Variants in SCN9A observed in about 807,000 individuals in gnomAD.
The protein encoded by SCN9A is sodium voltage-gated channel alpha subunit 9.
SCN9A carries 131 observed loss-of-function variants against 187.0 expected under a neutral mutation model. The ratio of observed to expected loss-of-function variants is 0.70; its 90% CI spans 0.61 to 0.81. The LOEUF is 0.81. Ranked by LOEUF, SCN9A falls within the 30% of genes least tolerant of loss-of-function variation. SCN9A has a pLI of 0.00. For missense variants in SCN9A, 2,252 were observed against 2,396.6 expected (o/e 0.94, Z 1.26); for synonymous variants, 809 against 808.6 (o/e 1.00, Z -0.01).
chr2:166,272,382 A>G lies in SCN9A; in HGVS notation c.3351+17T>C, dbSNP rs770064648. ...TAATTGTTAATATGAAACACAAAGT[A>G]TATGAAGCATTCTTACCACTTTGCT... On this transcript the variant is annotated intron_variant, in intron 17 of 26. Transcript: ENST00000642356. The G allele has an allele frequency of 7.1e-6, 10 of 1,410,648 alleles. No individual in the cohort carries two copies. The highest frequency in any genetic ancestry group is 6.3e-5 in the Admixed American group (3 of 47,776). 87.4% of individuals were successfully genotyped at this position (1,410,648 alleles called of 1,614,324 possible). A position where few individuals can be genotyped will look rare whatever the true frequency, so the allele number is the denominator to read the frequency against.
intron 17 of SCN9A, among the ~76,000 whole-genome samples, chr2:166,253,518 A>C (rs1696138528): frequency 6.6e-6 from 1 of 151,814 alleles, no homozygotes; most frequent in African/African-American, 2.4e-5. Context: ...TAAACTATAG[A>C]ATGAGTTTTA....
At chr2:166,320,694 A>T (rs1485954578) in intron 1 of SCN9A, among the ~76,000 whole-genome samples, 2 of 152,190 alleles carry the variant, frequency 1.3e-5, no homozygotes, top group Non-Finnish European at 2.9e-5. Flanking sequence ...TGGGCATTAC[A>T]TGATACTTAA....
intron 10 of SCN9A, among the ~76,000 whole-genome samples, chr2:166,286,870 C>CTTAATAAATTAATAATTTATTAATTA: frequency 6.6e-6 from 1 of 151,992 alleles, no homozygotes; most frequent in Non-Finnish European, 1.5e-5. Context: ...TATTAATTTG[C>CTTAATAAATTAATAATTTATTAATTA]TTACAGTAAA....
At chr2:166,246,158 G>A (rs983338967) in intron 18 of SCN9A, among the ~76,000 whole-genome samples, 1 of 151,820 alleles carries the variant, frequency 6.6e-6, no homozygotes, top group East Asian at 1.9e-4. Flanking sequence ...TGTGCTTATA[G>A]TACTCATCAT....
chr2:166,298,730 G>C (rs1181490027), intron 7 of SCN9A: 1 of 152,148 alleles, frequency 6.6e-6, no homozygotes, highest in African/African-American at 2.4e-5. Flanking sequence ...TGCCTAACCT[G>C]GCAGAACCAC....
intron 21 of SCN9A, among the ~76,000 whole-genome samples, chr2:166,231,483 C>T (rs577906345): frequency 6.6e-6 from 1 of 150,452 alleles, no homozygotes; most frequent in Admixed American, 6.6e-5. Flanking sequence ...GGTTAAAACC[C>T]AAGTTTCTTA....
rs1693400066 is a variant in SCN9A at position 166,199,864 on chromosome 2, C to T, written c.4775G>A (p.Gly1592Asp). Residue 1592 changes from glycine (G) to aspartate (D), a missense_variant and splice_region_variant, in exon 27 of 27, where the codon GGT becomes GAT. This residue lies in a region of SCN9A where 368 missense variants were observed against 408.6 expected (regional missense o/e 0.90). Coordinates refer to ENST00000642356, the MANE Select transcript of SCN9A (RefSeq NM_001365536.1). The stretch of plus-strand genomic sequence containing the variant: ...TTCAATCAAATCAGCTAGAAACATA[C>T]CTGTATGTGGAGGAAAATAATAGAA... ...DFVVVIISIVGMFLADLIETY... is the reference protein window; with the variant it reads ...DFVVVIISIVDMFLADLIETY... The T allele has an allele frequency of 1.9e-6, 3 of 1,610,926 alleles. No homozygotes were observed. Among genetic ancestry groups the T allele is most frequent in the Non-Finnish European group, 2.5e-6 (3 of 1,177,984 alleles).
chr2:166,236,132 C>A (rs991931653), intron 20 of SCN9A, among the ~76,000 whole-genome samples: 1 of 151,910 alleles, frequency 6.6e-6, no homozygotes, highest in African/African-American at 2.4e-5. Context: ...TCTATAATTT[C>A]TTCTTATTTG....
intron 20 of SCN9A, among the ~76,000 whole-genome samples, chr2:166,237,838 A>C (rs544331732): frequency 6.6e-6 from 1 of 152,286 alleles, no homozygotes; most frequent in East Asian, 1.9e-4. Context: ...CTTTGCAGAA[A>C]ACATAAAAAA....
rs754992039 is a variant in SCN9A at position 166,272,535 on chromosome 2, T to C, written c.3215A>G (p.Glu1072Gly). Residue 1072 changes from glutamate (E) to glycine (G), a missense_variant, in exon 17 of 27, where the codon GAA (glutamate) becomes GGA (glycine). Transcript: ENST00000642356. ...FGSSVDKHLM[E>G]DSDGQSFIHN... ...AATAAATGATTGACCATCACTGTCTTCCATCAAGTGTTTGTCCACGCTGCT... is the reference window on the plus strand; with the variant it reads ...AATAAATGATTGACCATCACTGTCTCCCATCAAGTGTTTGTCCACGCTGCT... The C allele has an allele frequency of 6.2e-7, 1 of 1,613,464 alleles. No homozygotes were observed. Among genetic ancestry groups the C allele is most frequent in the Non-Finnish European group, 8.5e-7 (1 of 1,179,678 alleles).
intron 21 of SCN9A, among the ~76,000 whole-genome samples, chr2:166,232,760 G>T (rs1333592947): frequency 8.4e-5 from 12 of 143,226 alleles, no homozygotes; most frequent in African/African-American, 2.8e-4. Flanking sequence ...TATAGAGAGA[G>T]AGAGAGTATG....
intron 9 of SCN9A, 42 bp downstream of exon 9, chr2:166,293,189 A>G (rs2106503080): frequency 6.5e-7 from 1 of 1,544,546 alleles, no homozygotes; most frequent in South Asian, 1.2e-5. Context: ...CCAGGTACAT[A>G]TGCCATTCAA....
rs33924683 is a variant in SCN9A at position 166,228,247 on chromosome 2, C to CTTT, written c.4206+441_4206+443dup. On this transcript the variant is annotated intron_variant, in intron 22 of 26. Transcript: ENST00000642356. Reference sequence around the variant, plus strand: ...GAACATGTTCTAGGAAAGACCAACACTTTTTTTTTTTTTTTTTTTTTTTTT... The same window carrying CTTT: ...GAACATGTTCTAGGAAAGACCAACACTTTTTTTTTTTTTTTTTTTTTTTTTTTT... Among the ~76,000 whole-genome samples the CTTT allele has an allele frequency of 8.0e-4, 69 of 85,990 alleles. 7 individuals carry two copies. The highest frequency in any genetic ancestry group is 2.1e-3 in the African/African-American group (45 of 21,898). 56.4% of individuals were successfully genotyped at this position (85,990 alleles called of 152,430 possible). A position where few individuals can be genotyped will look rare whatever the true frequency, so the allele number is the denominator to read the frequency against.
At chr2:166,353,607 C>G (rs906362190) in intron 1 of SCN9A, among the ~76,000 whole-genome samples, 2 of 152,176 alleles carry the variant, frequency 1.3e-5, no homozygotes, top group African/African-American at 4.8e-5. Context: ...TTTCAACTAT[C>G]CTGATCACCT....
chr2:166,214,716 G>A (rs572219471), intron 24 of SCN9A, among the ~76,000 whole-genome samples: 14 of 150,470 alleles, frequency 9.3e-5, no homozygotes, highest in East Asian at 2.0e-4. Context: ...GGGTTTCACC[G>A]TGTTAGCCAG....
chr2:166,272,313 G>A, intron 17 of SCN9A, 86 bp downstream of exon 17: 1 of 901,038 alleles, frequency 1.1e-6, no homozygotes, highest in Non-Finnish European at 1.6e-6. Context: ...ATGTTAAGAA[G>A]AACTTATGAC....
intron 2 of SCN9A, among the ~76,000 whole-genome samples, chr2:166,308,925 C>CA (rs397986566): frequency 0.34 from 26,794 of 78,032 alleles, 6,642 homozygotes; most frequent in African/African-American, 0.66. Flanking sequence ...GACTCTGTCT[C>CA]AAAAAAAAAA....
intron 17 of SCN9A, among the ~76,000 whole-genome samples, chr2:166,261,659 CA>C (rs1392155665): frequency 1.3e-5 from 2 of 151,990 alleles, no homozygotes; most frequent in Admixed American, 1.3e-4. Flanking sequence ...GTCTCTGTTG[CA>C]TGCAGTTAAA....
At position 166,199,815 on chromosome 2, in the gene SCN9A, C is replaced by A. The variant is rs768953526; in HGVS notation, c.4824G>T (p.Leu1608=). The A allele has an allele frequency of 2.5e-6, 4 of 1,613,858 alleles. No homozygotes were observed. Among genetic ancestry groups the A allele is most frequent in the Non-Finnish European group, 3.4e-6 (4 of 1,179,986 alleles). The change falls in exon 27 of 27, where the codon CTG becomes CTT. Residue 1608 remains leucine, a synonymous_variant. Transcript: ENST00000642356. ...TCCTGGCAAGACGGATCACTCGGAA[C>A]AGGGTAGGGGACACAAAATACGTTT... ...LIETYFVSPT[L]FRVIRLARIG...
Sources: gnomAD v4.1 joint callset for allele counts (sites outside exome capture counted in the v4.1 genomes callset) on GRCh38, gnomAD v4.1.1 for gene constraint, gnomAD v4.1.1 regional missense constraint, MANE v1.5 for transcripts, NCBI Gene and HGNC (gene_info 2026-07-23, HGNC 2026-07-21) for gene names.